The following LRRC49 variants were observed in gnomAD, a reference collection of about 807,000 sequenced individuals.
LRRC49 encodes leucine-rich repeat-containing protein 49.
LRRC49 carries 50 observed loss-of-function variants against 83.3 expected under a neutral mutation model. That is an observed-to-expected ratio of 0.60 (90% CI 0.48 to 0.76). The LOEUF (loss-of-function observed/expected upper bound fraction) is 0.76. Ranked by LOEUF, LRRC49 falls within the 30% of genes least tolerant of loss-of-function variation. The probability of loss-of-function intolerance (pLI) is 0.00; values close to 1 mark genes in which losing one functional copy is unlikely to be tolerated. For synonymous variants in LRRC49, 286 were observed against 283.3 expected (o/e 1.01, Z -0.10); for missense variants, 704 against 809.1 (o/e 0.87, Z 1.58).
At position 70,979,512 on chromosome 15, in the gene LRRC49, A is replaced by G. The variant is rs145370303; in HGVS notation, c.922-589A>G. ...TATTCTCTTAGCAAATGCCAAGATT[A>G]CAATACAAGATTATTAACTACGGTC... On this transcript the variant is annotated intron_variant, in intron 9 of 15. Coordinates refer to ENST00000260382, the MANE Select transcript of LRRC49 (RefSeq NM_017691.5). Among the ~76,000 whole-genome samples, 456 of 152,148 alleles carry G rather than the reference A, an allele frequency of 3.0e-3. 4 individuals are homozygous for G. Among genetic ancestry groups the G allele is most frequent in the Non-Finnish European group, 4.2e-3 (283 of 67,954 alleles).
At chr15:70,992,734 TC>T (rs1423303686) in intron 11 of LRRC49, among the ~76,000 whole-genome samples, 24 of 152,222 alleles carry the variant, frequency 1.6e-4, no homozygotes, top group Admixed American at 8.5e-4. Flanking sequence ...GTCTGATTGT[TC>T]CTCTGGAGGT....
At position 70,984,088 on chromosome 15, in the gene LRRC49, T is replaced by A. The variant is rs1453043547; in HGVS notation, c.1006-6T>A. 1 of 1,611,988 alleles carries A rather than the reference T, an allele frequency of 6.2e-7. No homozygotes were observed. The highest frequency in any genetic ancestry group is 8.5e-7 in the Non-Finnish European group (1 of 1,179,014). On this transcript the variant is annotated splice_region_variant and splice_polypyrimidine_tract_variant and intron_variant, in intron 10 of 15. Coordinates refer to ENST00000260382, the MANE Select transcript of LRRC49 (RefSeq NM_017691.5). ...ATAACTTTTGTCACAATTAACTTTT[T>A]CATAGGAGAAGAAAAGGTTAACAAT...
chr15:71,030,661 C>T (rs1011904679), intron 14 of LRRC49, among the ~76,000 whole-genome samples: 1 of 152,038 alleles, frequency 6.6e-6, no homozygotes, highest in Non-Finnish European at 1.5e-5. Flanking sequence ...ACCAATCAAT[C>T]GTAGGTTTGG....
At chr15:71,025,536 T>C (rs187895138) in intron 14 of LRRC49, among the ~76,000 whole-genome samples, 162 of 152,252 alleles carry the variant, frequency 1.1e-3, no homozygotes, top group African/African-American at 3.7e-3. Context: ...TTAAATGGGC[T>C]AAATGCCCCA....
At chr15:70,942,889 C>G (rs971870358) in intron 8 of LRRC49, among the ~76,000 whole-genome samples, 4 of 152,098 alleles carry the variant, frequency 2.6e-5, no homozygotes. Flanking sequence ...CTGTCAGAAG[C>G]AAAAATATCT....
chr15:70,859,728 A>T, intron 1 of LRRC49: 1 of 697,140 alleles, frequency 1.4e-6, no homozygotes, highest in Admixed American at 1.8e-5. Context: ...GCAGATGTGG[A>T]GCAGCGTGGG....
rs530776541 is a variant in LRRC49 at position 71,035,600 on chromosome 15, G to A, written c.1704-1579G>A. Among the ~76,000 whole-genome samples the A allele has an allele frequency of 4.6e-4, 70 of 152,120 alleles. 3 individuals carry two copies. The South Asian group carries it at 0.014, about 31-fold the overall frequency. On this transcript the variant is annotated intron_variant, in intron 14 of 15. Coordinates refer to ENST00000260382, the MANE Select transcript of LRRC49 (RefSeq NM_017691.5). ...TTGTGAGTGATAATGTGCGGTGTTT[G>A]GTTTTCTGTTCTTGTGATAGTTTGC...
At chr15:70,921,523 A>G (rs143141616) in intron 7 of LRRC49, among the ~76,000 whole-genome samples, 1 of 152,326 alleles carries the variant, frequency 6.6e-6, no homozygotes, top group African/African-American at 2.4e-5. Flanking sequence ...TTGATTATAC[A>G]CTACTTGATT....
At chr15:70,930,924 T>A (rs544081422) in intron 7 of LRRC49, among the ~76,000 whole-genome samples, 6 of 152,384 alleles carry the variant, frequency 3.9e-5, no homozygotes, top group African/African-American at 1.4e-4. Context: ...AAGAGAATAC[T>A]GTGGCTGGTT....
At chr15:71,047,169 G>T (rs759140677) in intron 15 of LRRC49, among the ~76,000 whole-genome samples, 2 of 151,934 alleles carry the variant, frequency 1.3e-5, no homozygotes, top group Admixed American at 1.3e-4. Flanking sequence ...TTGGCTATTC[G>T]GGCTCTTTTT....
chr15:70,969,063 T>C (rs1322605971), intron 9 of LRRC49, among the ~76,000 whole-genome samples: 1 of 152,198 alleles, frequency 6.6e-6, no homozygotes, highest in Non-Finnish European at 1.5e-5. Context: ...CGCCCATGCC[T>C]ATGTCCTGAA....
intron 2 of LRRC49, among the ~76,000 whole-genome samples, chr15:70,873,697 G>A (rs902629731): frequency 2.6e-5 from 4 of 152,182 alleles, no homozygotes; most frequent in African/African-American, 9.7e-5. Flanking sequence ...TAGGGGGCTA[G>A]CTTGAACTCA....
chr15:70,871,561 G>C (rs1366293343), intron 1 of LRRC49, among the ~76,000 whole-genome samples: 1 of 151,424 alleles, frequency 6.6e-6, no homozygotes, highest in African/African-American at 2.4e-5. Context: ...CCCGAACGGC[G>C]CGGCTGGCCG....
intron 7 of LRRC49, among the ~76,000 whole-genome samples, chr15:70,921,609 G>C (rs1402307420): frequency 1.3e-5 from 2 of 152,202 alleles, no homozygotes; most frequent in Non-Finnish European, 2.9e-5. Flanking sequence ...CATTCAGTCA[G>C]AAAGAATTGC....
chr15:71,030,879 G>C (rs531089880), intron 14 of LRRC49, among the ~76,000 whole-genome samples: 1 of 151,864 alleles, frequency 6.6e-6, no homozygotes, highest in Non-Finnish European at 1.5e-5. Context: ...GGTCATTTAT[G>C]TTCCTTTCTA....
upstream of LRRC49, chr15:70,891,764 C>A (rs560915001): frequency 1.5e-6 from 2 of 1,325,660 alleles, no homozygotes; most frequent in Non-Finnish European, 2.0e-6. Context: ...GATGAGGTGC[C>A]TTTCCCAAGG....
rs540946574 is a variant in LRRC49, at chr15:71,049,786, G to T, written c.*174G>T. 3 of 536,296 alleles carry T rather than the reference G, an allele frequency of 5.6e-6. No homozygotes were observed. Among genetic ancestry groups the T allele is most frequent in the African/African-American group, 3.9e-5 (2 of 51,840 alleles). The allele number at this position is 536,296 out of a possible 1,614,324, so 33.2% of individuals were successfully genotyped here. A position where few individuals can be genotyped will look rare whatever the true frequency, so the allele number is the denominator to read the frequency against. On this transcript the variant is annotated 3_prime_UTR_variant, in exon 16 of 16. Transcript: ENST00000260382. ...AAAAGTTAAGAAGGAAGGAAGGAAA[G>T]CAGGAGAAAGGAAGGATTAATTGCC...
At chr15:70,942,152 C>T (rs2035845723) in intron 8 of LRRC49, among the ~76,000 whole-genome samples, 1 of 151,806 alleles carries the variant, frequency 6.6e-6, no homozygotes. Context: ...AGGCTGCTTG[C>T]ATACCTTGTG....
chr15:70,879,470 T>A (rs765765918), intron 2 of LRRC49, among the ~76,000 whole-genome samples: 4 of 152,224 alleles, frequency 2.6e-5, no homozygotes, highest in Admixed American at 1.3e-4. Flanking sequence ...AACACTTGAA[T>A]TTTGTTTTAA....
Sources: allele counts gnomAD v4.1 joint callset (sites outside exome capture counted in the v4.1 genomes callset), GRCh38; gene constraint gnomAD v4.1.1; transcripts MANE v1.5; gene names NCBI Gene and HGNC (gene_info 2026-07-23, HGNC 2026-07-21).